Variants in BCL9L observed in about 807,000 individuals in gnomAD.
BCL9L encodes B-cell CLL/lymphoma 9-like protein.
A neutral mutation model predicts 99.4 loss-of-function variants in BCL9L; 19 were observed. The observed-to-expected ratio is 0.19, with a 90% CI of 0.13 to 0.28. BCL9L has a LOEUF of 0.28. BCL9L is among the 10% of genes least tolerant of loss of function. The pLI, the probability that BCL9L is intolerant of heterozygous loss-of-function variation, is 1.00. For missense variants in BCL9L, 2,023 were observed against 2,101.6 expected (o/e 0.96, Z 0.73); for synonymous variants, 900 against 854.8 (o/e 1.05, Z -0.92).
rs888286381 is a variant in BCL9L at position 118,914,810 on chromosome 11, GCC to G, written c.-77+4014_-77+4015del. The stretch of plus-strand genomic sequence containing the variant: ...GGTGGCCTCGCCCTCTGAGGTTGGG[GCC>G]CTGGCAGGCAGTATGATGCAGTGGA... On this transcript the variant is annotated intron_variant, in intron 2 of 9. Coordinates refer to ENST00000683865, the MANE Select transcript of BCL9L (RefSeq NM_001378213.1). This position sits in a 1 kb window ranked among gnomAD's most constrained non-coding sequence, Gnocchi z 4.4. Among the ~76,000 whole-genome samples, 9 of 152,324 alleles carry G rather than the reference GCC, an allele frequency of 5.9e-5. No homozygotes were observed. The highest frequency in any genetic ancestry group is 1.9e-4 in the African/African-American group (8 of 41,574).
At chr11:118,918,277 G>T (rs1592001933) in intron 2 of BCL9L, among the ~76,000 whole-genome samples, 1 of 152,296 alleles carries the variant, frequency 6.6e-6, no homozygotes, top group East Asian at 1.9e-4. Context: ...GTGTGTGTGT[G>T]TGTGTGTCTG....
At chr11:118,919,660 C>A (rs886172574) in intron 1 of BCL9L, among the ~76,000 whole-genome samples, 15 of 152,130 alleles carry the variant, frequency 9.9e-5, no homozygotes, top group African/African-American at 3.6e-4. Context: ...GGTGTCCCTG[C>A]CAACCAGACT....
At position 118,902,261 on chromosome 11, in the gene BCL9L, A is replaced by C; in HGVS notation, c.1482T>G (p.Gly494=). 6.3e-7 allele frequency: 1 copy of C among 1,597,834 alleles called. No homozygotes were observed. ...TGTTCATCTGCTGCCCCATGTCCCC[A>C]CCCGGGGGGTGCCCAGGCACTTCAT... is the stretch of plus-strand genomic sequence containing the variant. ...LEHEVPGHPP[G]GDMGQQMNMM... The change falls in exon 8 of 10, where the codon GGT becomes GGG. Residue 494 remains glycine, a synonymous_variant. Transcript: ENST00000683865. The surrounding 1 kb of genome is among the most constrained non-coding windows in gnomAD (Gnocchi z 7.8).
intron 2 of BCL9L, among the ~76,000 whole-genome samples, chr11:118,918,485 C>T (rs1048005892): frequency 2.0e-5 from 3 of 151,994 alleles, no homozygotes; most frequent in African/African-American, 7.2e-5. Flanking sequence ...GGCGGAATCT[C>T]CTTGCCTCCC....
chr11:118,908,623 C>T lies in BCL9L; in HGVS notation c.59G>A (p.Gly20Glu), dbSNP rs961872485. Residue 20 changes from glycine to glutamate, a missense_variant, in exon 4 of 10, where the codon GGG (glycine) becomes GAG (glutamate). Physicochemically the swap from Gly to Glu is moderately conservative, Grantham distance 98 (BLOSUM62 -2). Transcript: ENST00000683865. ...LPHPRRREAP[G>E]SPPLSPRGHC... is the part of the protein sequence containing the mutation. ...ACCGCGGGGGGACAGCGGCGGGCTCCCTGGAGCTTCTCTCCTCCTGGGGTG... is the reference window on the plus strand; with the variant it reads ...ACCGCGGGGGGACAGCGGCGGGCTCTCTGGAGCTTCTCTCCTCCTGGGGTG... 6.2e-7 allele frequency: 1 copy of T among 1,612,290 alleles called. No individual in the cohort carries two copies. Among genetic ancestry groups the T allele is most frequent in the East Asian group, 2.2e-5 (1 of 44,864 alleles).
Position 118,907,614 on chromosome 11 carries a change from G to A in BCL9L, c.413-12C>T, listed in dbSNP as rs1252023821. 1.2e-6 allele frequency: 2 copies of A among 1,610,412 alleles called. No homozygotes were observed. The highest frequency in any genetic ancestry group is 1.7e-5 in the Admixed American group (1 of 60,026). On this transcript the variant is annotated splice_polypyrimidine_tract_variant and intron_variant, in intron 4 of 9. Transcript: ENST00000683865. Reference sequence around the variant, plus strand: ...CCGCGGCGCCACCTCTGCCCAGGCAGGACGGAGGAAAGAGTGAGTGCCTAG... The same window carrying A: ...CCGCGGCGCCACCTCTGCCCAGGCAAGACGGAGGAAAGAGTGAGTGCCTAG...
intron 2 of BCL9L, chr11:118,911,217 A>T (rs1018839943): frequency 2.2e-6 from 1 of 455,628 alleles, no homozygotes; most frequent in Non-Finnish European, 4.4e-6. Context: ...GCAGCCCTCC[A>T]GCAGCCGATC....
In BCL9L at chr11:118,902,613, G is replaced by C; in HGVS notation, c.1130C>G (p.Pro377Arg). The change falls in exon 8 of 10, where the codon CCT becomes CGT. Residue 377 changes from proline (P) to arginine (R), a missense_variant. Pro to Arg is a moderately radical substitution (Grantham distance 103). Around this residue, in one of 3 missense-constraint regions of BCL9L, gnomAD observed 1,116 missense variants for 1,194.6 expected, o/e 0.93. Transcript: ENST00000683865. This position sits in a 1 kb window ranked among gnomAD's most constrained non-coding sequence, Gnocchi z 7.8. ...PGGDPSSAPG[P>R]ALLGEAAAPG... ...GGCGGCTGCCTCCCCCAGCAGGGCA[G>C]GGCCGGGGGCACTGCTGGGGTCTCC... The C allele has an allele frequency of 1.3e-6, 2 of 1,599,908 alleles. No individual in the cohort carries two copies. Among genetic ancestry groups the C allele is most frequent in the Non-Finnish European group, 1.7e-6 (2 of 1,179,826 alleles).
rs770545830 is a variant in BCL9L at position 118,898,772 on chromosome 11, C to T, written c.4143G>A (p.Gln1381=). 6.2e-7 allele frequency: 1 copy of T among 1,613,922 alleles called. No homozygotes were observed. Among genetic ancestry groups the T allele is most frequent in the Non-Finnish European group, 8.5e-7 (1 of 1,180,016 alleles). Residue 1381 remains glutamine, a synonymous_variant, in exon 10 of 10, where the codon CAG becomes CAA. Coordinates refer to ENST00000683865, the MANE Select transcript of BCL9L (RefSeq NM_001378213.1). ...ACATGTTGAGCCCCCGCTGGACGCC[C>T]TGCTGGCCTGGGAGGTTGGGAGGCC... ...PSRPPNLPGQ[Q]GVQRGLNMSM...
rs759429633 is a variant in BCL9L, at chr11:118,907,595, C to T, written c.420G>A (p.Ala140=). ...GCACACAGCGCCGCTTACTCCGCGG[C>T]GCCACCTCTGCCCAGGCAGGACGGA... ...PSLDSEAKEV[A]PRSKRRCVLE... is the part of the protein sequence containing the mutation. Residue 140 remains alanine (A), a synonymous_variant, in exon 5 of 10, where the codon GCG becomes GCA. Coordinates refer to ENST00000683865, the MANE Select transcript of BCL9L (RefSeq NM_001378213.1). The T allele has an allele frequency of 6.8e-6, 11 of 1,612,772 alleles. No homozygotes were observed. Among genetic ancestry groups the T allele is most frequent in the Middle Eastern group, 1.6e-4 (1 of 6,084 alleles).
Position 118,903,480 on chromosome 11 carries a change from C to CTAAG in BCL9L, c.533-32_533-29dup. On this transcript the variant is annotated intron_variant, in intron 5 of 9. Transcript: ENST00000683865. The surrounding 1 kb of genome is among the most constrained non-coding windows in gnomAD (Gnocchi z 5.6). ...GCAGGAGAGAGGACAGGGAAAGGGGCTAAGTGGTCTAGATACAAGAAGGAC... is the reference window on the plus strand; with the variant it reads ...GCAGGAGAGAGGACAGGGAAAGGGGCTAAGTAAGTGGTCTAGATACAAGAAGGAC... 6.2e-7 allele frequency: 1 copy of CTAAG among 1,608,202 alleles called. No homozygotes were observed. Among genetic ancestry groups the CTAAG allele is most frequent in the East Asian group, 2.2e-5 (1 of 44,768 alleles).
intron 2 of BCL9L, among the ~76,000 whole-genome samples, 155 bp downstream of exon 2, chr11:118,918,671 G>A (rs1250178155): frequency 1.3e-5 from 2 of 151,844 alleles, no homozygotes; most frequent in African/African-American, 4.8e-5. Context: ...CCTCTGGAGG[G>A]AGGGGAATGA....
intron 5 of BCL9L, among the ~76,000 whole-genome samples, chr11:118,907,083 C>T (rs938221764): frequency 2.0e-5 from 3 of 152,192 alleles, no homozygotes; most frequent in African/African-American, 4.8e-5. Flanking sequence ...ACTAGAGACA[C>T]GGCCAAGTGG....
chr11:118,904,216 G>A (rs560798038), intron 5 of BCL9L, among the ~76,000 whole-genome samples: 6 of 152,152 alleles, frequency 3.9e-5, no homozygotes, highest in East Asian at 3.9e-4. Flanking sequence ...AGAGGCGGGC[G>A]GATCACCTGA....
At chr11:118,911,890 T>A (rs1209843073) in intron 2 of BCL9L, among the ~76,000 whole-genome samples, 1 of 152,260 alleles carries the variant, frequency 6.6e-6, no homozygotes, top group Non-Finnish European at 1.5e-5. Context: ...ACTACCTATG[T>A]TCACAGCCTC....
Position 118,900,288 on chromosome 11 carries a change from C to T in BCL9L, c.3125-90G>A, listed in dbSNP as rs1940160605. The T allele has an allele frequency of 2.2e-6, 3 of 1,360,880 alleles. No homozygotes were observed. The African/African-American group carries it at 4.4e-5, about 20-fold the overall frequency. 84.3% of individuals were successfully genotyped at this position (1,360,880 alleles called of 1,614,324 possible). A position where few individuals can be genotyped will look rare whatever the true frequency, so the allele number is the denominator to read the frequency against. On this transcript the variant is annotated intron_variant, in intron 8 of 9. Coordinates refer to ENST00000683865, the MANE Select transcript of BCL9L (RefSeq NM_001378213.1). The surrounding 1 kb of genome is among the most constrained non-coding windows in gnomAD (Gnocchi z 5.3). The stretch of plus-strand genomic sequence containing the variant: ...GATATGGGGAGGTTTAGGAAGCGGT[C>T]AGTTCCCCAAATCACCTGGTCCTTC...
chr11:118,898,307 C>CCCCCCCCCCCCCCCCCCCCCCCCCCCCCA lies in BCL9L; in HGVS notation c.*107_*108insTGGGGGGGGGGGGGGGGGGGGGGGGGGGG. ...CTCCCTACACAAGCCCCCTCCCACC[C>CCCCCCCCCCCCCCCCCCCCCCCCCCCCCA]CCTCCACCCCACCCCGCGACCCAGG... On this transcript the variant is annotated 3_prime_UTR_variant, in exon 10 of 10. Coordinates refer to ENST00000683865, the MANE Select transcript of BCL9L (RefSeq NM_001378213.1). 1 of 506,860 alleles carries CCCCCCCCCCCCCCCCCCCCCCCCCCCCCA rather than the reference C, an allele frequency of 2.0e-6. No homozygotes were observed. The highest frequency in any genetic ancestry group is 2.0e-5 in the African/African-American group (1 of 50,708). 31.4% of individuals were successfully genotyped at this position (506,860 alleles called of 1,614,324 possible). A position where few individuals can be genotyped will look rare whatever the true frequency, so the allele number is the denominator to read the frequency against.
At chr11:118,917,863 C>A (rs1449108209) in intron 2 of BCL9L, among the ~76,000 whole-genome samples, 1 of 152,326 alleles carries the variant, frequency 6.6e-6, no homozygotes, top group East Asian at 1.9e-4. Flanking sequence ...GAGACAACAG[C>A]ACAGAGCCCC....
chr11:118,913,672 G>GCCCACCCCCGCCCAC (rs1940877799), intron 2 of BCL9L, among the ~76,000 whole-genome samples: 1 of 151,336 alleles, frequency 6.6e-6, no homozygotes, highest in Non-Finnish European at 1.5e-5. Flanking sequence ...GGAAACCACA[G>GCCCACCCCCGCCCAC]CCCACCCCCG....
Sources: gnomAD v4.1 joint callset for allele counts (sites outside exome capture counted in the v4.1 genomes callset) on GRCh38, gnomAD v4.1.1 for gene constraint, gnomAD v4.1.1 regional missense constraint, Gnocchi (gnomAD v3.1) non-coding constraint, MANE v1.5 for transcripts, NCBI Gene and HGNC (gene_info 2026-07-23, HGNC 2026-07-21) for gene names.